SUSD1: variants seen among roughly 807,000 people sequenced by gnomAD.
The protein encoded by SUSD1 is sushi domain-containing protein 1.
SUSD1 carries 65 observed loss-of-function variants against 86.9 expected under a neutral mutation model. That is an observed-to-expected ratio of 0.75 (90% confidence interval 0.61 to 0.92). SUSD1 has a LOEUF of 0.92. Among genes scored for constraint, SUSD1 ranks in the 40% least tolerant of loss-of-function variants. The pLI, the probability that SUSD1 is intolerant of heterozygous loss-of-function variation, is 0.00. For missense variants in SUSD1, 850 were observed against 929.7 expected (o/e 0.91, Z 1.11); for synonymous variants, 346 against 350.0 (o/e 0.99, Z 0.13).
At chr9:112,091,682 T>G (rs1183011700) in intron 10 of SUSD1, among the ~76,000 whole-genome samples, 8 of 152,204 alleles carry the variant, frequency 5.3e-5, no homozygotes, top group African/African-American at 1.9e-4. Context: ...TCAACTATCC[T>G]GAAAGCAAAG....
intron 5 of SUSD1, among the ~76,000 whole-genome samples, chr9:112,126,157 T>A (rs545032619): frequency 2.6e-5 from 4 of 152,238 alleles, no homozygotes; most frequent in African/African-American, 9.6e-5. Flanking sequence ...CCTAGTCACA[T>A]TGTTGACATC....
intron 14 of SUSD1, 107 bp downstream of exon 14, chr9:112,058,321 T>C: frequency 7.3e-7 from 1 of 1,364,894 alleles, no homozygotes; most frequent in Non-Finnish European, 9.8e-7. Flanking sequence ...TTTGTGATTG[T>C]TACATGCAGT....
chr9:112,075,238 C>T (rs1829466166), intron 12 of SUSD1, among the ~76,000 whole-genome samples: 2 of 152,148 alleles, frequency 1.3e-5, no homozygotes, highest in Admixed American at 1.3e-4. Context: ...AATTCATTGC[C>T]TAACCAGACA....
At chr9:112,103,212 T>C (rs1449555901) in intron 8 of SUSD1, 1 of 436,942 alleles carries the variant, frequency 2.3e-6, no homozygotes, top group Non-Finnish European at 4.6e-6. Flanking sequence ...ATCAGAATTG[T>C]CCACAGCATT....
chr9:112,040,823 T>A lies in SUSD1; in HGVS notation c.*669A>T, dbSNP rs1461070142. The A allele has an allele frequency of 6.6e-6, 1 of 152,276 alleles. No individual in the cohort carries two copies. The highest frequency in any genetic ancestry group is 1.5e-5 in the Non-Finnish European group (1 of 68,068). The allele number at this position is 152,276 out of a possible 1,614,324, so 9.4% of individuals were successfully genotyped here. ...TTTTACTGGAATGTAGACATTACTTTTGAATATATAGGACAATAGAAATTG... is the reference window on the plus strand; with the variant it reads ...TTTTACTGGAATGTAGACATTACTTATGAATATATAGGACAATAGAAATTG... On this transcript the variant is annotated 3_prime_UTR_variant, in exon 17 of 17. Coordinates refer to ENST00000374270, the MANE Select transcript of SUSD1 (RefSeq NM_022486.5).
At chr9:112,047,551 C>T (rs1327298967) in intron 15 of SUSD1, among the ~76,000 whole-genome samples, 1 of 152,108 alleles carries the variant, frequency 6.6e-6, no homozygotes, top group East Asian at 1.9e-4. Flanking sequence ...CTCTGAAACT[C>T]ACTTGAAATT....
intron 5 of SUSD1, among the ~76,000 whole-genome samples, chr9:112,125,542 G>GAA (rs5899987): frequency 1.6e-4 from 23 of 142,274 alleles, no homozygotes; most frequent in South Asian, 1.5e-3. Flanking sequence ...AACGCAGAAA[G>GAA]AAAAAAAAAA....
intron 8 of SUSD1, among the ~76,000 whole-genome samples, chr9:112,107,254 C>CAAAAAAAAAAAA (rs71382407): frequency 3.0e-5 from 2 of 66,200 alleles, no homozygotes; most frequent in African/African-American, 7.3e-5. Context: ...GACCATATCT[C>CAAAAAAAAAAAA]AAAAAAAAAA....
At chr9:112,060,473 C>T (rs1416925820) in intron 13 of SUSD1, among the ~76,000 whole-genome samples, 2 of 152,132 alleles carry the variant, frequency 1.3e-5, no homozygotes, top group African/African-American at 2.4e-5. Flanking sequence ...CCATGTTGGC[C>T]AGGCTGGTCT....
intron 5 of SUSD1, among the ~76,000 whole-genome samples, chr9:112,138,655 G>A (rs543730128): frequency 3.7e-4 from 57 of 152,096 alleles, no homozygotes; most frequent in African/African-American, 1.3e-3. Context: ...TCACCATGCT[G>A]GCTAGGCTGG....
chr9:112,110,408 G>GT (rs1319048475), intron 8 of SUSD1, among the ~76,000 whole-genome samples: 3 of 151,908 alleles, frequency 2.0e-5, no homozygotes, highest in African/African-American at 7.2e-5. Context: ...TTTTTTGTTT[G>GT]TTTTCTGAGA....
At chr9:112,062,599 G>A (rs1276153843) in intron 13 of SUSD1, among the ~76,000 whole-genome samples, 1 of 152,150 alleles carries the variant, frequency 6.6e-6, no homozygotes, top group African/African-American at 2.4e-5. Context: ...GGAGGCAGTG[G>A]AAGGAGAATC....
At chr9:112,098,737 G>A in intron 9 of SUSD1, 75 bp from the exon 10 acceptor site, 3 of 1,376,188 alleles carry the variant, frequency 2.2e-6, no homozygotes, top group South Asian at 1.3e-5. Context: ...TTAGCAAAAT[G>A]GAGTTAAAAC....
Position 112,149,311 on chromosome 9 carries a change from G to C in SUSD1, c.306C>G (p.Cys102Trp), listed in dbSNP as rs75423111. 3.1e-6 allele frequency: 5 copies of C among 1,613,952 alleles called. No individual in the cohort carries two copies. Among genetic ancestry groups the C allele is most frequent in the Non-Finnish European group, 8.5e-7 (1 of 1,180,032 alleles). ...HNTPGGFYCI[C>W]LEGYRATNNN... ...TGTTTGTGGCTCGATATCCTTCCAG[G>C]CAAATGCAATAGAAGCCCCCGGGGG... is the stretch of plus-strand genomic sequence containing the variant. The change falls in exon 3 of 17, where the codon TGC becomes TGG. Residue 102 changes from cysteine (C) to tryptophan (W), a missense_variant. Transcript: ENST00000374270.
At chr9:112,123,374 C>G (rs1831630292) in intron 6 of SUSD1, among the ~76,000 whole-genome samples, 1 of 152,130 alleles carries the variant, frequency 6.6e-6, no homozygotes, top group Non-Finnish European at 1.5e-5. Flanking sequence ...AAGAACTCAT[C>G]ACCAAGGGGA....
At chr9:112,121,562 T>C (rs945282036) in intron 6 of SUSD1, among the ~76,000 whole-genome samples, 1 of 152,310 alleles carries the variant, frequency 6.6e-6, no homozygotes, top group African/African-American at 2.4e-5. Context: ...TTTCCTCAAA[T>C]TCCCATCCCC....
intron 6 of SUSD1, among the ~76,000 whole-genome samples, chr9:112,115,250 T>A (rs1831264163): frequency 6.6e-6 from 1 of 152,166 alleles, no homozygotes; most frequent in Non-Finnish European, 1.5e-5. Flanking sequence ...TCTACTGACC[T>A]CTCTGCCCAA....
chr9:112,093,345 C>T (rs1589644559), intron 10 of SUSD1, among the ~76,000 whole-genome samples: 7 of 152,278 alleles, frequency 4.6e-5, no homozygotes, highest in Admixed American at 4.6e-4. Flanking sequence ...CTGGGACCCG[C>T]CTGTGCACAG....
intron 4 of SUSD1, chr9:112,142,707 T>C (rs529718237): frequency 6.2e-6 from 3 of 484,470 alleles, no homozygotes; most frequent in East Asian, 6.9e-5. Flanking sequence ...AAAGCATCTA[T>C]ACATGCACAA....
Sources: gnomAD v4.1 joint callset for allele counts (sites outside exome capture counted in the v4.1 genomes callset) on GRCh38, gnomAD v4.1.1 for gene constraint, MANE v1.5 for transcripts, NCBI Gene and HGNC (gene_info 2026-07-23, HGNC 2026-07-21) for gene names.